The following ERC2 variants were observed in gnomAD, a reference collection of about 807,000 sequenced individuals.
ERC2 encodes ELKS/RAB6-interacting/CAST family member 2, also known as ERC protein 2.
Under a neutral mutation model 114.8 loss-of-function variants are expected in ERC2, and 42 were observed. The observed-to-expected ratio is 0.37, with a 90% CI of 0.29 to 0.47. ERC2 has a LOEUF of 0.47. Among genes scored for constraint, ERC2 ranks in the 20% least tolerant of loss-of-function variants. The pLI is 0.99. For missense variants in ERC2, 939 were observed against 1,150.7 expected (o/e 0.82, Z 2.66); for synonymous variants, 454 against 425.5 (o/e 1.07, Z -0.82).
At chr3:56,158,811 T>G (rs965228317) in intron 4 of ERC2, among the ~76,000 whole-genome samples, 3 of 151,926 alleles carry the variant, frequency 2.0e-5, no homozygotes, top group African/African-American at 7.3e-5. Flanking sequence ...CAAACTTGTT[T>G]TTTTTCAAAA....
chr3:56,189,628 C>T (rs551363630), intron 3 of ERC2, among the ~76,000 whole-genome samples: 4 of 152,286 alleles, frequency 2.6e-5, no homozygotes, highest in South Asian at 2.1e-4. Flanking sequence ...TGAACAAGTC[C>T]GGGCCAATCC....
At chr3:55,946,581 A>C (rs2067140010) in intron 13 of ERC2, among the ~76,000 whole-genome samples, 1 of 152,170 alleles carries the variant, frequency 6.6e-6, no homozygotes, top group Non-Finnish European at 1.5e-5. Context: ...TTCTTTCATA[A>C]ACCTTATTTT....
chr3:56,113,695 A>G (rs2079081215), intron 6 of ERC2, among the ~76,000 whole-genome samples: 1 of 152,202 alleles, frequency 6.6e-6, no homozygotes. Flanking sequence ...GAATTAGCAC[A>G]GACCTCACAG....
At chr3:55,908,798 T>C (rs2064624939) in intron 13 of ERC2, among the ~76,000 whole-genome samples, 2 of 152,118 alleles carry the variant, frequency 1.3e-5, no homozygotes, top group South Asian at 4.1e-4. Flanking sequence ...TTCTGGGGAA[T>C]GCTGTTCTAG....
chr3:56,083,174 G>A, intron 6 of ERC2, among the ~76,000 whole-genome samples: 1 of 152,114 alleles, frequency 6.6e-6, no homozygotes, highest in East Asian at 1.9e-4. Context: ...GTAAATGAAT[G>A]GATAAATAAA....
intron 17 of ERC2, among the ~76,000 whole-genome samples, chr3:55,521,896 T>G (rs963456170): frequency 6.6e-6 from 1 of 152,224 alleles, no homozygotes; most frequent in Non-Finnish European, 1.5e-5. Flanking sequence ...AGCGTTCCAA[T>G]GTGGCAACAG....
chr3:55,632,356 C>G (rs1469707285), intron 17 of ERC2, among the ~76,000 whole-genome samples: 1 of 152,174 alleles, frequency 6.6e-6, no homozygotes. Context: ...CAAGGAGGCC[C>G]AGGGTACCAG....
At chr3:56,117,868 C>G (rs2079334172) in intron 6 of ERC2, among the ~76,000 whole-genome samples, 2 of 152,190 alleles carry the variant, frequency 1.3e-5, no homozygotes, top group Non-Finnish European at 2.9e-5. Flanking sequence ...GAAAAGGCAC[C>G]ATGGCAATGA....
At chr3:56,309,758 A>G (rs1424729555) in intron 2 of ERC2, among the ~76,000 whole-genome samples, 1 of 152,212 alleles carries the variant, frequency 6.6e-6, no homozygotes. Context: ...TAAAGCCTGA[A>G]GCACAGGGCT....
chr3:56,097,073 T>C lies in ERC2; in HGVS notation c.1474-16089A>G, dbSNP rs543350468. Among the ~76,000 whole-genome samples the C allele has an allele frequency of 5.3e-5, 8 of 152,292 alleles. 1 individual carries two copies. The South Asian group carries it at 1.7e-3, about 32-fold the overall frequency. ...TAAGCCAAGTTGGGACTTCACATCA[T>C]TGAGTTTTAGGAAGAGCATAAATGA... is the stretch of plus-strand genomic sequence containing the variant. On this transcript the variant is annotated intron_variant, in intron 6 of 17. Coordinates refer to ENST00000288221, the MANE Select transcript of ERC2 (RefSeq NM_015576.3).
At chr3:55,579,710 T>C (rs1396222549) in intron 17 of ERC2, among the ~76,000 whole-genome samples, 1 of 152,224 alleles carries the variant, frequency 6.6e-6, no homozygotes, top group East Asian at 1.9e-4. Context: ...TGATTCATTC[T>C]TCCACCCAGC....
chr3:55,985,276 C>A (rs555154771), intron 12 of ERC2, among the ~76,000 whole-genome samples: 81 of 152,238 alleles, frequency 5.3e-4, no homozygotes, highest in Non-Finnish European at 9.7e-4. Context: ...TCAGACAAAA[C>A]GCCCATTTCA....
intron 13 of ERC2, among the ~76,000 whole-genome samples, chr3:55,922,399 G>C (rs545184464): frequency 6.6e-6 from 1 of 151,988 alleles, no homozygotes; most frequent in South Asian, 2.1e-4. Context: ...GCCTTGCAAG[G>C]GGCTTATTTT....
intron 13 of ERC2, among the ~76,000 whole-genome samples, chr3:55,915,017 AATC>A (rs1373051657): frequency 1.3e-5 from 2 of 152,180 alleles, no homozygotes; most frequent in African/African-American, 4.8e-5. Flanking sequence ...TCTTTTATAA[AATC>A]TATGCCGTCG....
chr3:55,936,269 C>T (rs1030750897), intron 13 of ERC2, among the ~76,000 whole-genome samples: 3 of 152,166 alleles, frequency 2.0e-5, no homozygotes, highest in African/African-American at 7.2e-5. Context: ...AGCTTATTTG[C>T]AACTCTGCTC....
At chr3:55,793,164 A>G (rs2070191511) in intron 14 of ERC2, among the ~76,000 whole-genome samples, 1 of 152,174 alleles carries the variant, frequency 6.6e-6, no homozygotes, top group Non-Finnish European at 1.5e-5. Flanking sequence ...TCCCAGGTTT[A>G]AGGGATTCTC....
chr3:55,851,414 T>TAC (rs375415437), intron 14 of ERC2, among the ~76,000 whole-genome samples: 1 of 151,340 alleles, frequency 6.6e-6, no homozygotes, highest in Non-Finnish European at 1.5e-5. Context: ...TTTAAACATG[T>TAC]ACACACACAC....
At chr3:55,987,153 T>C (rs925109527) in intron 11 of ERC2, among the ~76,000 whole-genome samples, 5 of 152,192 alleles carry the variant, frequency 3.3e-5, no homozygotes, top group African/African-American at 1.2e-4. Flanking sequence ...GATAATCCCT[T>C]GTATCTGAAA....
At chr3:56,423,652 C>T (rs1396154305) in intron 2 of ERC2, among the ~76,000 whole-genome samples, 4 of 152,220 alleles carry the variant, frequency 2.6e-5, no homozygotes, top group East Asian at 1.9e-4. Context: ...AATGGCTACA[C>T]GTTGCTTCCA....
Sources: allele counts gnomAD v4.1 joint callset (sites outside exome capture counted in the v4.1 genomes callset), GRCh38; gene constraint gnomAD v4.1.1; transcripts MANE v1.5; gene names NCBI Gene and HGNC (gene_info 2026-07-23, HGNC 2026-07-21).